IGSF3: variants seen among roughly 807,000 people sequenced by gnomAD.
IGSF3 encodes immunoglobulin superfamily member 3.
In IGSF3, 23 loss-of-function variants were observed where a neutral mutation model predicts 114.4. That is an observed-to-expected ratio of 0.20 (90% confidence interval 0.14 to 0.28). The LOEUF (loss-of-function observed/expected upper bound fraction) is 0.28. IGSF3 is among the 10% of genes least tolerant of loss of function. The probability of loss-of-function intolerance (pLI) is 1.00; values close to 1 mark genes in which losing one functional copy is unlikely to be tolerated. For synonymous variants in IGSF3, 571 were observed against 645.2 expected (o/e 0.88, Z 1.74); for missense variants, 1,172 against 1,591.5 (o/e 0.74, Z 4.48).
At chr1:116,646,353 A>C (rs980589958) in intron 2 of IGSF3, among the ~76,000 whole-genome samples, 4 of 152,158 alleles carry the variant, frequency 2.6e-5, no homozygotes, top group African/African-American at 4.8e-5. Flanking sequence ...GGGGGGGTCC[A>C]CACAAAGAGG....
chr1:116,617,921 G>C (rs1661280921), intron 2 of IGSF3, among the ~76,000 whole-genome samples: 1 of 152,222 alleles, frequency 6.6e-6, no homozygotes, highest in Non-Finnish European at 1.5e-5. Flanking sequence ...GCCCATTCTT[G>C]TGATAGCTTC....
Position 116,665,932 on chromosome 1 carries a change from G to GA in IGSF3, c.43+351dup, listed in dbSNP as rs1649312283. ...TTAGGAATCAATGCAGCCCAACAAAGAAGTGAAAACACCAGAGCATCCATG... is the reference window on the plus strand; with the variant it reads ...TTAGGAATCAATGCAGCCCAACAAAGAAAGTGAAAACACCAGAGCATCCATG... On this transcript the variant is annotated intron_variant, in intron 2 of 10. Coordinates refer to ENST00000369486, the MANE Select transcript of IGSF3 (RefSeq NM_001007237.3). The surrounding 1 kb of genome is among the most constrained non-coding windows in gnomAD (Gnocchi z 4.0). Among the ~76,000 whole-genome samples the GA allele has an allele frequency of 6.6e-6, 1 of 152,124 alleles. No homozygotes were observed. The highest frequency in any genetic ancestry group is 6.5e-5 in the Admixed American group (1 of 15,274).
chr1:116,603,206 G>C lies in IGSF3; in HGVS notation c.1624+418C>G, dbSNP rs1660664678. Among the ~76,000 whole-genome samples, 1 of 152,220 alleles carries C rather than the reference G, an allele frequency of 6.6e-6. No individual in the cohort carries two copies. The highest frequency in any genetic ancestry group is 2.1e-4 in the South Asian group (1 of 4,832). On this transcript the variant is annotated intron_variant, in intron 6 of 10. Transcript: ENST00000369486. This position sits in a 1 kb window ranked among gnomAD's most constrained non-coding sequence, Gnocchi z 7.1. Reference sequence around the variant, plus strand: ...GGCTGGCCCCTGGGCAGCAGGGCAGGAAAGACATGCCACACAGTGCTCAGC... The same window carrying C: ...GGCTGGCCCCTGGGCAGCAGGGCAGCAAAGACATGCCACACAGTGCTCAGC...
rs992002933 is a variant in IGSF3 at position 116,618,075 on chromosome 1, G to A, written c.44-1618C>T. Reference sequence around the variant, plus strand: ...AGCAGGGGACTGTGCCTCAGTGTAAGCTAATCTAATCTGCAAGATGACAGA... The same window carrying A: ...AGCAGGGGACTGTGCCTCAGTGTAAACTAATCTAATCTGCAAGATGACAGA... On this transcript the variant is annotated intron_variant, in intron 2 of 10. Transcript: ENST00000369486. The surrounding 1 kb of genome is among the most constrained non-coding windows in gnomAD (Gnocchi z 4.7). Among the ~76,000 whole-genome samples the A allele has an allele frequency of 6.6e-6, 1 of 152,246 alleles. No homozygotes were observed. Among genetic ancestry groups the A allele is most frequent in the Non-Finnish European group, 1.5e-5 (1 of 68,048 alleles).
chr1:116,662,596 A>G lies in IGSF3; in HGVS notation c.43+3688T>C, dbSNP rs1226213317. The stretch of plus-strand genomic sequence containing the variant: ...GCAACATCTTAACACAGCCCTGGGT[A>G]CCTGGAGGTAGCTCAATGATTCTCA... On this transcript the variant is annotated intron_variant, in intron 2 of 10. Coordinates refer to ENST00000369486, the MANE Select transcript of IGSF3 (RefSeq NM_001007237.3). This position sits in a 1 kb window ranked among gnomAD's most constrained non-coding sequence, Gnocchi z 4.3. Among the ~76,000 whole-genome samples, 1 of 152,178 alleles carries G rather than the reference A, an allele frequency of 6.6e-6. No individual in the cohort carries two copies. The highest frequency in any genetic ancestry group is 1.5e-5 in the Non-Finnish European group (1 of 68,038).
In IGSF3 at chr1:116,612,564, A is replaced by G. The variant is rs1194064545; in HGVS notation, c.832+1201T>C. Among the ~76,000 whole-genome samples the G allele has an allele frequency of 6.6e-6, 1 of 152,228 alleles. No homozygotes were observed. The highest frequency in any genetic ancestry group is 1.5e-5 in the Non-Finnish European group (1 of 68,038). On this transcript the variant is annotated intron_variant, in intron 4 of 10. Coordinates refer to ENST00000369486, the MANE Select transcript of IGSF3 (RefSeq NM_001007237.3). The surrounding 1 kb of genome is among the most constrained non-coding windows in gnomAD (Gnocchi z 4.1). ...GTCTGAAGCATTACTCTAGAATGGC[A>G]GAGAAAGTATGCAAAGACCCAGACA...
intron 1 of IGSF3, among the ~76,000 whole-genome samples, chr1:116,667,364 G>C (rs111246504): frequency 0.077 from 11,696 of 152,188 alleles, 1,488 homozygotes; most frequent in African/African-American, 0.26. Context: ...GTTTTACCTT[G>C]CAGGGTGTTT....
intron 2 of IGSF3, among the ~76,000 whole-genome samples, chr1:116,652,648 A>C (rs1482909791): frequency 6.6e-6 from 1 of 152,256 alleles, no homozygotes; most frequent in Non-Finnish European, 1.5e-5. Context: ...TTAGTCCAAC[A>C]GATGACACAC....
chr1:116,600,257 G>A lies in IGSF3; in HGVS notation c.1713C>T (p.His571=). ...SFDLQCIIKP[H]YPAWVPVSVT... ...CCGACACGGGGACCCAGGCAGGGTA[G>A]TGGGGTTTGATGATACACTGCAAGT... The change falls in exon 7 of 11, where the codon CAC becomes CAT. Residue 571 remains histidine, a synonymous_variant. Coordinates refer to ENST00000369486, the MANE Select transcript of IGSF3 (RefSeq NM_001007237.3). The surrounding 1 kb of genome is among the most constrained non-coding windows in gnomAD (Gnocchi z 5.5). 2 of 1,614,178 alleles carry A rather than the reference G, an allele frequency of 1.2e-6. No individual in the cohort carries two copies. Among genetic ancestry groups the A allele is most frequent in the Non-Finnish European group, 1.7e-6 (2 of 1,180,034 alleles).
At chr1:116,606,279 C>T (rs1200711828) in intron 5 of IGSF3, among the ~76,000 whole-genome samples, 2 of 152,230 alleles carry the variant, frequency 1.3e-5, no homozygotes, top group South Asian at 2.1e-4. Flanking sequence ...ACTAACTGAA[C>T]AATCAGCTCT....
intron 2 of IGSF3, among the ~76,000 whole-genome samples, chr1:116,637,424 A>T (rs1409334766): frequency 6.6e-6 from 1 of 152,140 alleles, no homozygotes; most frequent in Non-Finnish European, 1.5e-5. Flanking sequence ...ACCCTGAAGG[A>T]GCTCATGTTC....
intron 2 of IGSF3, among the ~76,000 whole-genome samples, chr1:116,658,581 G>A (rs750593827): frequency 4.6e-5 from 7 of 152,084 alleles, no homozygotes; most frequent in African/African-American, 7.2e-5. Context: ...CACCCTTAGG[G>A]TTCCCATCCC....
In IGSF3 at chr1:116,607,794, A is replaced by C; in HGVS notation, c.1222+148T>G. 6.6e-6 allele frequency: 5 copies of C among 757,480 alleles called. No individual in the cohort carries two copies. Among genetic ancestry groups the C allele is most frequent in the Non-Finnish European group, 1.1e-5 (5 of 449,892 alleles). 46.9% of individuals were successfully genotyped at this position (757,480 alleles called of 1,614,324 possible). On this transcript the variant is annotated intron_variant, in intron 5 of 10. Transcript: ENST00000369486. The surrounding 1 kb of genome is among the most constrained non-coding windows in gnomAD (Gnocchi z 6.1). The stretch of plus-strand genomic sequence containing the variant: ...GCAGGTGGGCTACAACAGGGAAGAG[A>C]GGCTCAATGGTTTTTCCCCCAGCTC...
Position 116,603,513 on chromosome 1 carries a change from G to C in IGSF3, c.1624+111C>G. ...AGTACTTCAAACTCTATAGGTAAAA[G>C]ACTGGCCATAGTTTCCTGCTAAAAC... On this transcript the variant is annotated intron_variant, in intron 6 of 10. Coordinates refer to ENST00000369486, the MANE Select transcript of IGSF3 (RefSeq NM_001007237.3). The surrounding 1 kb of genome is among the most constrained non-coding windows in gnomAD (Gnocchi z 7.1). 3 of 1,032,500 alleles carry C rather than the reference G, an allele frequency of 2.9e-6. No homozygotes were observed. In the South Asian group the frequency reaches 4.5e-5, roughly 15 times the overall value. The allele number at this position is 1,032,500 out of a possible 1,614,324, so 64.0% of individuals were successfully genotyped here. A position where few individuals can be genotyped will look rare whatever the true frequency, so the allele number is the denominator to read the frequency against.
At position 116,592,829 on chromosome 1, in the gene IGSF3, T is replaced by C. The variant is rs1244535443; in HGVS notation, c.2030-3725A>G. 6.6e-6 allele frequency among the ~76,000 whole-genome samples: 1 copy of C among 152,218 alleles called. No homozygotes were observed. The highest frequency in any genetic ancestry group is 1.5e-5 in the Non-Finnish European group (1 of 68,040). ...GACTCTGACCCAATCATTGTTAAACTAATCAATGAATGGTTGAATAAATGT... is the reference window on the plus strand; with the variant it reads ...GACTCTGACCCAATCATTGTTAAACCAATCAATGAATGGTTGAATAAATGT... On this transcript the variant is annotated intron_variant, in intron 7 of 10. Coordinates refer to ENST00000369486, the MANE Select transcript of IGSF3 (RefSeq NM_001007237.3). This position sits in a 1 kb window ranked among gnomAD's most constrained non-coding sequence, Gnocchi z 4.5.
chr1:116,578,634 A>G (rs1461993330), intron 10 of IGSF3, among the ~76,000 whole-genome samples: 2 of 152,256 alleles, frequency 1.3e-5, no homozygotes, highest in East Asian at 1.9e-4. Flanking sequence ...ACTAAAAAGA[A>G]GTTAAAAATT....
rs923747236 is a variant in IGSF3 at position 116,595,914 on chromosome 1, C to T, written c.2029+4027G>A. On this transcript the variant is annotated intron_variant, in intron 7 of 10. Transcript: ENST00000369486. The surrounding 1 kb of genome is among the most constrained non-coding windows in gnomAD (Gnocchi z 4.2). Reference sequence around the variant, plus strand: ...GAACTGGCTGAAAGTCTTGCCTAAGCACCCCTTGAGGGGTCACACTATGTG... The same window carrying T: ...GAACTGGCTGAAAGTCTTGCCTAAGTACCCCTTGAGGGGTCACACTATGTG... Among the ~76,000 whole-genome samples, 4 of 152,236 alleles carry T rather than the reference C, an allele frequency of 2.6e-5. No individual in the cohort carries two copies. Among genetic ancestry groups the T allele is most frequent in the South Asian group, 2.1e-4 (1 of 4,836 alleles).
In IGSF3 at chr1:116,577,351, C is replaced by T; in HGVS notation, c.3546G>A (p.Glu1182=). ...PHLNYSPTCL[E]PPVLSIHPGA... The stretch of plus-strand genomic sequence containing the variant: ...CTGGATGGATACTGAGAACAGGGGG[C>T]TCCAGGCAAGTAGGGGAGTAGTTGA... The change falls in exon 11 of 11, where the codon GAG becomes GAA. Residue 1182 remains glutamate (E), a synonymous_variant. Transcript: ENST00000369486. This position sits in a 1 kb window ranked among gnomAD's most constrained non-coding sequence, Gnocchi z 5.7. 6.2e-7 allele frequency: 1 copy of T among 1,614,120 alleles called. No individual in the cohort carries two copies. Among genetic ancestry groups the T allele is most frequent in the African/African-American group, 1.3e-5 (1 of 75,034 alleles).
chr1:116,604,060 T>G, intron 5 of IGSF3, 35 bp from the exon 6 acceptor site: 1 of 1,506,016 alleles, frequency 6.6e-7, no homozygotes. Context: ...CCTGGAGGCT[T>G]TATGGTCTCC....
Sources: allele counts gnomAD v4.1 joint callset (sites outside exome capture counted in the v4.1 genomes callset), GRCh38; gene constraint gnomAD v4.1.1; non-coding constraint Gnocchi (gnomAD v3.1); transcripts MANE v1.5; gene names NCBI Gene and HGNC (gene_info 2026-07-23, HGNC 2026-07-21).